The following IGSF5 variants were observed in gnomAD, a reference collection of about 807,000 sequenced individuals.
The protein encoded by IGSF5 is immunoglobulin superfamily 5 like.
IGSF5 carries 41 observed loss-of-function variants against 39.4 expected under a neutral mutation model. That is an observed-to-expected ratio of 1.04 (90% CI 0.81 to 1.35). The LOEUF (loss-of-function observed/expected upper bound fraction) is 1.35. IGSF5 is among the 40% of genes most tolerant of loss of function. The probability of loss-of-function intolerance (pLI) is 0.00; values close to 1 mark genes in which losing one functional copy is unlikely to be tolerated. For missense variants in IGSF5, 487 were observed against 494.6 expected (o/e 0.98, Z 0.15); for synonymous variants, 183 against 175.3 (o/e 1.04, Z -0.34).
At chr21:39,722,957 T>C in the IGSF5 span, among the ~76,000 whole-genome samples, 1 of 152,222 alleles carries the variant, frequency 6.6e-6, no homozygotes, top group African/African-American at 2.4e-5. Flanking sequence ...GTGAGGTAGA[T>C]AGTATTATTA....
Position 39,779,021 on chromosome 21 carries a change from T to C in IGSF5, c.719-69T>C. ...TATTACTAGAAAACATAATGCAACTTATAATGGGGCAGAATCTGTGATTCT... is the reference window on the plus strand; with the variant it reads ...TATTACTAGAAAACATAATGCAACTCATAATGGGGCAGAATCTGTGATTCT... On this transcript the variant is annotated intron_variant, in intron 4 of 8. Coordinates refer to ENST00000380588, the MANE Select transcript of IGSF5 (RefSeq NM_001080444.2). 2.6e-6 allele frequency: 4 copies of C among 1,557,802 alleles called. No individual in the cohort carries two copies. The South Asian group carries it at 4.9e-5, about 19-fold the overall frequency.
intron 4 of IGSF5, among the ~76,000 whole-genome samples, chr21:39,771,884 C>T (rs144074921): frequency 9.5e-4 from 144 of 152,264 alleles, no homozygotes; most frequent in Middle Eastern, 6.8e-3. Context: ...TTGACTTTAA[C>T]TTAACATTTT....
intron 2 of IGSF5, among the ~76,000 whole-genome samples, chr21:39,758,599 C>T (rs4816652): frequency 0.3 from 45,821 of 152,026 alleles, 8,517 homozygotes; most frequent in Admixed American, 0.48. Flanking sequence ...GACACTTCCT[C>T]TTCCTCACCA....
intron 8 of IGSF5, among the ~76,000 whole-genome samples, chr21:39,798,432 G>T (rs79042967): frequency 1.3e-5 from 2 of 152,122 alleles, no homozygotes; most frequent in Admixed American, 6.5e-5. Context: ...CTGTATTTCC[G>T]CAAGTAGAGG....
At chr21:39,762,316 T>C (rs731010) in intron 2 of IGSF5, among the ~76,000 whole-genome samples, 58,662 of 152,010 alleles carry the variant, frequency 0.39, 11,645 homozygotes, top group Admixed American at 0.51. Context: ...CTTAGTTTTA[T>C]ACATTTTAGG....
the IGSF5 span, among the ~76,000 whole-genome samples, chr21:39,715,315 C>T: frequency 2.0e-5 from 3 of 152,000 alleles, no homozygotes; most frequent in Non-Finnish European, 4.4e-5. Context: ...GATGGGGTTT[C>T]ACCATGTTGC....
chr21:39,755,947 T>C (rs1197862993), intron 2 of IGSF5, among the ~76,000 whole-genome samples: 1 of 39,786 alleles, frequency 2.5e-5, no homozygotes, highest in Non-Finnish European at 5.9e-5. Context: ...CTACTAAAAA[T>C]ACAAAAAAAA....
the IGSF5 span, chr21:39,729,175 A>C: frequency 6.6e-6 from 1 of 152,230 alleles, no homozygotes; most frequent in Non-Finnish European, 1.5e-5. Flanking sequence ...GGCCCACAGA[A>C]GCTCAGATTC....
chr21:39,745,895 G>C (rs1411216997), intron 1 of IGSF5, among the ~76,000 whole-genome samples: 1 of 152,042 alleles, frequency 6.6e-6, no homozygotes, highest in Non-Finnish European at 1.5e-5. Context: ...ATGTCCCTTC[G>C]TGGTTGCCAA....
chr21:39,771,606 A>T (rs2080115225), intron 4 of IGSF5, among the ~76,000 whole-genome samples: 1 of 152,194 alleles, frequency 6.6e-6, no homozygotes, highest in African/African-American at 2.4e-5. Flanking sequence ...GAGGGTGTTC[A>T]GGTCTCCCTG....
intron 2 of IGSF5, among the ~76,000 whole-genome samples, chr21:39,764,342 C>G (rs997818210): frequency 1.3e-5 from 2 of 152,108 alleles, no homozygotes; most frequent in African/African-American, 4.8e-5. Context: ...CTTTTAGAAC[C>G]TGCCTTGCCA....
chr21:39,719,721 A>C, the IGSF5 span, among the ~76,000 whole-genome samples: 12 of 152,228 alleles, frequency 7.9e-5, no homozygotes, highest in Admixed American at 2.0e-4. Flanking sequence ...CTGGTCCCTA[A>C]AATATTTTCC....
In IGSF5 at chr21:39,751,833, A is replaced by G. The variant is rs114759982; in HGVS notation, c.100+5535A>G. On this transcript the variant is annotated intron_variant, in intron 2 of 8. Coordinates refer to ENST00000380588, the MANE Select transcript of IGSF5 (RefSeq NM_001080444.2). ...TCTAATGAGAAGCCTTAGGGAAAGT[A>G]GAATTCTCCCAAAGTCTCTGGAGGT... Among the ~76,000 whole-genome samples the G allele has an allele frequency of 2.6e-3, 402 of 152,216 alleles. 1 individual carries two copies. The highest frequency in any genetic ancestry group is 9.1e-3 in the African/African-American group (377 of 41,512).
intron 4 of IGSF5, among the ~76,000 whole-genome samples, chr21:39,772,484 T>G (rs1314140886): frequency 1.3e-5 from 2 of 152,182 alleles, no homozygotes; most frequent in African/African-American, 4.8e-5. Flanking sequence ...GGAAGTGTCA[T>G]CAGGGCTGGT....
chr21:39,746,925 T>C lies in IGSF5; in HGVS notation c.100+627T>C, dbSNP rs1159431936. Among the ~76,000 whole-genome samples, 2 of 152,224 alleles carry C rather than the reference T, an allele frequency of 1.3e-5. 1 individual carries two copies. Reference sequence around the variant, plus strand: ...AGCACCTTGGAGAAATTCAGGCTGCTGGTGAGGGTCTAGGGCTGACCCCAG... The same window carrying C: ...AGCACCTTGGAGAAATTCAGGCTGCCGGTGAGGGTCTAGGGCTGACCCCAG... On this transcript the variant is annotated intron_variant, in intron 2 of 8. Transcript: ENST00000380588.
At chr21:39,728,880 T>C in the IGSF5 span, among the ~76,000 whole-genome samples, 1 of 152,180 alleles carries the variant, frequency 6.6e-6, no homozygotes, top group Non-Finnish European at 1.5e-5. Context: ...ATGTGGTAGC[T>C]GCTATTATCC....
Position 39,779,264 on chromosome 21 carries a change from A to G in IGSF5, c.893A>G (p.Asn298Ser), listed in dbSNP as rs761204033. The G allele has an allele frequency of 1.9e-6, 3 of 1,613,044 alleles. No homozygotes were observed. Among genetic ancestry groups the G allele is most frequent in the South Asian group, 1.1e-5 (1 of 91,056 alleles). Residue 298 changes from asparagine (N) to serine (S), a missense_variant, in exon 5 of 9, where the codon AAC (asparagine) becomes AGC (serine). Transcript: ENST00000380588. ...CCCRRRCCGC[N>S]CCCRCCFCCR... is the part of the protein sequence containing the mutation. ...TGCCGCCGTCGTTGTTGTGGCTGCA[A>G]CTGCTGCTGCCGTTGTTGTTTCTGC... is the stretch of plus-strand genomic sequence containing the variant.
At chr21:39,737,430 A>G in the IGSF5 span, among the ~76,000 whole-genome samples, 1 of 151,990 alleles carries the variant, frequency 6.6e-6, no homozygotes, top group Non-Finnish European at 1.5e-5. Context: ...GCTCTGTTAC[A>G]CAAGACAGAC....
At chr21:39,771,378 T>A (rs775658123) in intron 4 of IGSF5, among the ~76,000 whole-genome samples, 163 bp downstream of exon 4, 5 of 152,244 alleles carry the variant, frequency 3.3e-5, no homozygotes, top group Admixed American at 1.3e-4. Context: ...CTTAATAATC[T>A]TATACCCTCG....
Sources: allele counts gnomAD v4.1 joint callset (sites outside exome capture counted in the v4.1 genomes callset), GRCh38; gene constraint gnomAD v4.1.1; transcripts MANE v1.5; gene names NCBI Gene and HGNC (gene_info 2026-07-23, HGNC 2026-07-21).